The following PTPRD variants were observed in gnomAD, a reference collection of about 807,000 sequenced individuals.
PTPRD encodes protein tyrosine phosphatase receptor type D, also known as receptor-type tyrosine-protein phosphatase delta.
PTPRD carries 34 observed loss-of-function variants against 214.5 expected under a neutral mutation model. The observed-to-expected ratio is 0.16, with a 90% CI of 0.12 to 0.21. PTPRD has a LOEUF of 0.21. PTPRD is among the 10% of genes least tolerant of loss of function. The pLI is 1.00. For synonymous variants in PTPRD, 1,128 were observed against 845.7 expected (o/e 1.33, Z -5.79); for missense variants, 2,545 against 2,398.7 (o/e 1.06, Z -1.27).
At chr9:10,461,106 A>T (rs1484985192) in intron 2 of PTPRD, among the ~76,000 whole-genome samples, 4 of 152,222 alleles carry the variant, frequency 2.6e-5, no homozygotes, top group African/African-American at 9.6e-5. Flanking sequence ...ATTTCTCCAA[A>T]GATGACATAA....
Position 10,046,777 on chromosome 9 carries a change from G to A in PTPRD, c.-544-12987C>T, listed in dbSNP as rs562129222. ...ATTCACAAGTATATGCTGTTATTCTGAATAATATTTCTATAGTGAAGACAA... is the reference window on the plus strand; with the variant it reads ...ATTCACAAGTATATGCTGTTATTCTAAATAATATTTCTATAGTGAAGACAA... On this transcript the variant is annotated intron_variant, in intron 3 of 45. Transcript: ENST00000381196. Among the ~76,000 whole-genome samples, 7 of 151,982 alleles carry A rather than the reference G, an allele frequency of 4.6e-5. No homozygotes were observed. The South Asian group carries it at 1.5e-3, about 32-fold the overall frequency.
intron 9 of PTPRD, among the ~76,000 whole-genome samples, chr9:9,312,974 G>C (rs537194493): frequency 6.6e-6 from 1 of 152,158 alleles, no homozygotes; most frequent in South Asian, 2.1e-4. Context: ...ATTACTCATG[G>C]ATTGACACAA....
chr9:8,914,340 C>A (rs576560872), intron 11 of PTPRD, among the ~76,000 whole-genome samples: 1 of 152,140 alleles, frequency 6.6e-6, no homozygotes, highest in African/African-American at 2.4e-5. Context: ...TACCAAATAA[C>A]AATATTACAC....
intron 9 of PTPRD, among the ~76,000 whole-genome samples, chr9:9,266,219 C>T (rs1417642904): frequency 6.6e-6 from 1 of 151,034 alleles, no homozygotes; most frequent in African/African-American, 2.4e-5. Context: ...GTGTGTGTAG[C>T]CATATACACA....
At chr9:10,193,561 G>C (rs533740939) in intron 3 of PTPRD, among the ~76,000 whole-genome samples, 3 of 152,134 alleles carry the variant, frequency 2.0e-5, no homozygotes, top group Non-Finnish European at 4.4e-5. Context: ...TTTGTGAACG[G>C]ATACAGGAAT....
intron 11 of PTPRD, among the ~76,000 whole-genome samples, chr9:8,854,641 G>T (rs2097881231): frequency 6.6e-6 from 1 of 152,130 alleles, no homozygotes; most frequent in South Asian, 2.1e-4. Flanking sequence ...ATGGCTGGTC[G>T]ATTTCAAATC....
intron 2 of PTPRD, among the ~76,000 whole-genome samples, chr9:10,493,140 G>C (rs1213134863): frequency 1.3e-5 from 2 of 152,026 alleles, no homozygotes; most frequent in Non-Finnish European, 2.9e-5. Context: ...TTATGGATAG[G>C]AATAATCAAT....
At chr9:8,665,073 A>G (rs2154358086) in intron 12 of PTPRD, among the ~76,000 whole-genome samples, 1 of 152,326 alleles carries the variant, frequency 6.6e-6, no homozygotes, top group South Asian at 2.1e-4. Flanking sequence ...AAAGTAAAGC[A>G]GCAAAAAAAA....
At chr9:10,577,340 T>C (rs1351433556) in intron 2 of PTPRD, among the ~76,000 whole-genome samples, 1 of 152,210 alleles carries the variant, frequency 6.6e-6, no homozygotes, top group East Asian at 1.9e-4. Flanking sequence ...CTAATGTCTG[T>C]CATCACTGCT....
chr9:10,507,091 C>T lies in PTPRD; in HGVS notation c.-600+105307G>A, dbSNP rs1566601592. On this transcript the variant is annotated intron_variant, in intron 2 of 45. Transcript: ENST00000381196. ...ATCTCCTTAAGTTGATAAGCAACTT[C>T]AGCAAAGTCTCGGGATAAAAAATCA... Among the ~76,000 whole-genome samples, 3 of 152,182 alleles carry T rather than the reference C, an allele frequency of 2.0e-5. 1 individual carries two copies. The East Asian group carries it at 5.8e-4, about 29-fold the overall frequency.
At chr9:8,410,078 A>G (rs1291192732) in intron 35 of PTPRD, among the ~76,000 whole-genome samples, 1 of 152,220 alleles carries the variant, frequency 6.6e-6, no homozygotes, top group Non-Finnish European at 1.5e-5. Flanking sequence ...TATGCCTTTT[A>G]AAATTCTCAT....
At chr9:9,374,732 T>C (rs1022523438) in intron 9 of PTPRD, among the ~76,000 whole-genome samples, 6 of 152,316 alleles carry the variant, frequency 3.9e-5, no homozygotes, top group African/African-American at 1.2e-4. Context: ...ACAATGCATA[T>C]ACAAAGAACA....
Position 10,237,356 on chromosome 9 carries a change from A to C in PTPRD, c.-545+103607T>G, listed in dbSNP as rs368216603. On this transcript the variant is annotated intron_variant, in intron 3 of 45. Transcript: ENST00000381196. ...TATATCATTGTTATGCTGAATTAATATCTTTATTCTTCATGATAAGTGTGC... is the reference window on the plus strand; with the variant it reads ...TATATCATTGTTATGCTGAATTAATCTCTTTATTCTTCATGATAAGTGTGC... Among the ~76,000 whole-genome samples the C allele has an allele frequency of 9.1e-4, 139 of 152,074 alleles. 1 individual carries two copies. The South Asian group carries it at 0.027, about 29-fold the overall frequency.
At chr9:10,028,132 C>A (rs1382079221) in intron 4 of PTPRD, among the ~76,000 whole-genome samples, 1 of 152,108 alleles carries the variant, frequency 6.6e-6, no homozygotes, top group Non-Finnish European at 1.5e-5. Context: ...ATAAGTCTCA[C>A]AAGATCTGAT....
intron 5 of PTPRD, among the ~76,000 whole-genome samples, chr9:9,785,846 A>G (rs569811039): frequency 5.2e-4 from 79 of 152,276 alleles, no homozygotes; most frequent in African/African-American, 1.8e-3. Flanking sequence ...TACAAAAGGT[A>G]CCATTTTTGC....
chr9:9,564,897 T>TTG (rs1555579102), intron 8 of PTPRD, among the ~76,000 whole-genome samples: 1 of 140,244 alleles, frequency 7.1e-6, no homozygotes, highest in Non-Finnish European at 1.6e-5. Flanking sequence ...TTTTTTTTTT[T>TTG]TTTTTTTTTT....
At chr9:9,914,718 A>G (rs965992845) in intron 5 of PTPRD, among the ~76,000 whole-genome samples, 7 of 150,170 alleles carry the variant, frequency 4.7e-5, no homozygotes, top group African/African-American at 7.5e-5. Flanking sequence ...ATCCCCATAC[A>G]TAAGCTGACT....
At chr9:8,549,624 C>T (rs1456430998) in intron 14 of PTPRD, among the ~76,000 whole-genome samples, 1 of 151,876 alleles carries the variant, frequency 6.6e-6, no homozygotes, top group Non-Finnish European at 1.5e-5. Flanking sequence ...TGAATATTTG[C>T]CTTGTGAGGA....
chr9:10,189,115 G>A (rs1272460564), intron 3 of PTPRD, among the ~76,000 whole-genome samples: 1 of 152,086 alleles, frequency 6.6e-6, no homozygotes, highest in Admixed American at 6.5e-5. Flanking sequence ...ATGTGCTGCA[G>A]CCTCCCTCTG....
Sources: allele counts gnomAD v4.1 joint callset (sites outside exome capture counted in the v4.1 genomes callset), GRCh38; gene constraint gnomAD v4.1.1; transcripts MANE v1.5; gene names NCBI Gene and HGNC (gene_info 2026-07-23, HGNC 2026-07-21).